The following TRAK2 variants were observed in gnomAD, a reference collection of about 807,000 sequenced individuals.
TRAK2 encodes the protein trafficking kinesin-binding protein 2.
In TRAK2, 81 loss-of-function variants were observed where a neutral mutation model predicts 104.6. The ratio of observed to expected loss-of-function variants is 0.77; its 90% CI spans 0.65 to 0.93. The LOEUF (loss-of-function observed/expected upper bound fraction) is 0.93. Ranked by LOEUF, TRAK2 falls within the 40% of genes least tolerant of loss-of-function variation. The probability of loss-of-function intolerance (pLI) is 0.00; values close to 1 mark genes in which losing one functional copy is unlikely to be tolerated. For missense variants in TRAK2, 1,002 were observed against 1,089.0 expected, an observed-to-expected ratio of 0.92 and a Z score of 1.12; for synonymous variants, 406 against 394.4, an observed-to-expected ratio of 1.03 and a Z score of -0.35.
intron 1 of TRAK2, among the ~76,000 whole-genome samples, chr2:201,449,805 C>T (rs543629632): frequency 1.3e-5 from 2 of 151,772 alleles, no homozygotes; most frequent in African/African-American, 2.4e-5. Flanking sequence ...CCACCACGCC[C>T]GGCTAATTTC....
chr2:201,405,434 T>C (rs1349856501), intron 3 of TRAK2, among the ~76,000 whole-genome samples: 1 of 152,184 alleles, frequency 6.6e-6, no homozygotes. Flanking sequence ...GTATCAGTGG[T>C]TCTCAAACTT....
Position 201,432,075 on chromosome 2 carries a change from T to G in TRAK2, c.-199-11369A>C, listed in dbSNP as rs188505234. ...CTATCACCAAAGTACTATTTTATAA[T>G]TATTATTATTGTTATTGTACCTTAC... On this transcript the variant is annotated intron_variant, in intron 1 of 15. Coordinates refer to ENST00000332624, the MANE Select transcript of TRAK2 (RefSeq NM_015049.3). Among the ~76,000 whole-genome samples the G allele has an allele frequency of 3.0e-4, 45 of 152,280 alleles. No individual in the cohort carries two copies. In the East Asian group the frequency reaches 6.2e-3, roughly 21 times the overall value.
rs1269503263 is a variant in TRAK2, at chr2:201,389,442, T to A, written c.1255A>T (p.Ile419Phe). ...RIANDTRGRS[I>F]SFPALLPIPG... The stretch of plus-strand genomic sequence containing the variant: ...ATGGGTAACAGAGCTGGGAATGAGA[T>A]AGAGCGGCCCCGTGTGTCATTGGCA... The change falls in exon 12 of 16, where the codon ATC (isoleucine) becomes TTC (phenylalanine). Residue 419 changes from isoleucine (I) to phenylalanine (F), a missense_variant. Coordinates refer to ENST00000332624, the MANE Select transcript of TRAK2 (RefSeq NM_015049.3). 6.2e-7 allele frequency: 1 copy of A among 1,614,004 alleles called. No homozygotes were observed. Among genetic ancestry groups the A allele is most frequent in the African/African-American group, 1.3e-5 (1 of 74,916 alleles).
rs747594722 is a variant in TRAK2 at position 201,389,760 on chromosome 2, A to G, written c.1193+41T>C. 5 of 1,516,748 alleles carry G rather than the reference A, an allele frequency of 3.3e-6. 1 individual carries two copies. Among genetic ancestry groups the G allele is most frequent in the South Asian group, 2.4e-5 (2 of 83,488 alleles). The allele number at this position is 1,516,748 out of a possible 1,614,324, so 94.0% of individuals were successfully genotyped here. The stretch of plus-strand genomic sequence containing the variant: ...GGATTGTGGCTTCTTTTTAATTTCT[A>G]TTCCAATGATTGAGTAACAACACAT... On this transcript the variant is annotated intron_variant, in intron 11 of 15. Coordinates refer to ENST00000332624, the MANE Select transcript of TRAK2 (RefSeq NM_015049.3).
At chr2:201,426,416 A>G (rs768676650) in intron 1 of TRAK2, among the ~76,000 whole-genome samples, 2 of 152,234 alleles carry the variant, frequency 1.3e-5, no homozygotes, top group Non-Finnish European at 2.9e-5. Context: ...GGTGAGTTGT[A>G]TAATTATTTC....
At chr2:201,426,662 G>T (rs1224271476) in intron 1 of TRAK2, among the ~76,000 whole-genome samples, 1 of 152,166 alleles carries the variant, frequency 6.6e-6, no homozygotes, top group Non-Finnish European at 1.5e-5. Context: ...GCAGAATAGA[G>T]AAAACCAAGT....
chr2:201,432,542 G>A (rs551187313), intron 1 of TRAK2, among the ~76,000 whole-genome samples: 8 of 152,332 alleles, frequency 5.3e-5, no homozygotes, highest in Non-Finnish European at 1.0e-4. Context: ...CTTATTTTAA[G>A]AAGGATGAGA....
chr2:201,420,382 C>T (rs763181773), intron 2 of TRAK2, 35 bp downstream of exon 2: 25 of 1,568,014 alleles, frequency 1.6e-5, no homozygotes, highest in Admixed American at 3.3e-5. Flanking sequence ...CTCCTATAAG[C>T]GATAGCACTT....
rs1951423651 is a variant in TRAK2, at chr2:201,389,434, G to A, written c.1263C>T (p.Phe421=). Residue 421 remains phenylalanine, a synonymous_variant, in exon 12 of 16, where the codon TTC becomes TTT. Transcript: ENST00000332624. ...AGCCTGGAATGGGTAACAGAGCTGG[G>A]AATGAGATAGAGCGGCCCCGTGTGT... is the stretch of plus-strand genomic sequence containing the variant. ...ANDTRGRSIS[F]PALLPIPGSN... The A allele has an allele frequency of 8.1e-6, 13 of 1,614,124 alleles. No individual in the cohort carries two copies. The highest frequency in any genetic ancestry group is 1.1e-5 in the Non-Finnish European group (13 of 1,180,024).
At chr2:201,444,780 T>G (rs1417381811) in intron 1 of TRAK2, among the ~76,000 whole-genome samples, 3 of 151,980 alleles carry the variant, frequency 2.0e-5, no homozygotes, top group Non-Finnish European at 4.4e-5. Context: ...ATTTTCTCTC[T>G]CCTCCTTGCT....
intron 1 of TRAK2, among the ~76,000 whole-genome samples, chr2:201,430,179 T>C (rs1326923005): frequency 6.6e-6 from 1 of 152,220 alleles, no homozygotes; most frequent in Non-Finnish European, 1.5e-5. Flanking sequence ...TGCCTGATCC[T>C]TCCTCTGGAA....
In TRAK2 at chr2:201,379,307, A is replaced by T. The variant is rs1035686935; in HGVS notation, c.*1236T>A. Reference sequence around the variant, plus strand: ...CTTTGCCATTTCATACAGTTTGAATAAAAAAAAAGAACCTTAGAGAAAAAG... The same window carrying T: ...CTTTGCCATTTCATACAGTTTGAATTAAAAAAAAGAACCTTAGAGAAAAAG... On this transcript the variant is annotated 3_prime_UTR_variant, in exon 16 of 16. Coordinates refer to ENST00000332624, the MANE Select transcript of TRAK2 (RefSeq NM_015049.3). 2 of 132,210 alleles carry T rather than the reference A, an allele frequency of 1.5e-5. No individual in the cohort carries two copies. Among genetic ancestry groups the T allele is most frequent in the Admixed American group, 7.5e-5 (1 of 13,338 alleles). 8.2% of individuals were successfully genotyped at this position (132,210 alleles called of 1,614,324 possible). A position where few individuals can be genotyped will look rare whatever the true frequency, so the allele number is the denominator to read the frequency against.
chr2:201,439,951 G>A (rs1469216790), intron 1 of TRAK2, among the ~76,000 whole-genome samples: 1 of 109,466 alleles, frequency 9.1e-6, no homozygotes, highest in African/African-American at 3.4e-5. Context: ...GGGGGAGGGG[G>A]GAGGGATAGC....
At chr2:201,420,138 A>C (rs1951727150) in intron 2 of TRAK2, among the ~76,000 whole-genome samples, 1 of 152,112 alleles carries the variant, frequency 6.6e-6, no homozygotes, top group Non-Finnish European at 1.5e-5. Context: ...CTCTGTCCTT[A>C]CCCTGTGGAG....
chr2:201,432,200 T>C (rs1230272704), intron 1 of TRAK2, among the ~76,000 whole-genome samples: 2 of 152,210 alleles, frequency 1.3e-5, no homozygotes, highest in Admixed American at 1.3e-4. Flanking sequence ...TGAGTGACGT[T>C]AGCTTAGTGT....
intron 2 of TRAK2, chr2:201,411,062 CATCATGTCA>C (rs1951642070): frequency 8.3e-7 from 1 of 1,202,072 alleles, no homozygotes; most frequent in African/African-American, 1.5e-5. Flanking sequence ...GTGTAGAAAA[CATCATGTCA>C]ATGCCCATGG....
chr2:201,438,564 GCTGAGGC>G (rs1951895842), intron 1 of TRAK2, among the ~76,000 whole-genome samples: 1 of 152,176 alleles, frequency 6.6e-6, no homozygotes, highest in Non-Finnish European at 1.5e-5. Context: ...TTTTTCCAAA[GCTGAGGC>G]CTCTATCCTC....
chr2:201,394,435 G>A (rs1951479586), intron 9 of TRAK2, among the ~76,000 whole-genome samples: 1 of 148,900 alleles, frequency 6.7e-6, no homozygotes, highest in Admixed American at 6.8e-5. Flanking sequence ...TCTACCTCCT[G>A]GGTTCCAGTG....
chr2:201,443,835 G>A, intron 1 of TRAK2, among the ~76,000 whole-genome samples: 1 of 152,076 alleles, frequency 6.6e-6, no homozygotes, highest in East Asian at 1.9e-4. Context: ...GCTTAATCAT[G>A]GCCTTAAACA....
Sources: gnomAD v4.1 joint callset for allele counts (sites outside exome capture counted in the v4.1 genomes callset) on GRCh38, gnomAD v4.1.1 for gene constraint, MANE v1.5 for transcripts, NCBI Gene and HGNC (gene_info 2026-07-23, HGNC 2026-07-21) for gene names.